Variants in TNC observed in about 807,000 individuals in gnomAD.
The protein encoded by TNC is tenascin.
A neutral mutation model predicts 202.4 loss-of-function variants in TNC; 109 were observed. That is an observed-to-expected ratio of 0.54 (90% confidence interval 0.46 to 0.63). The LOEUF is 0.63. TNC is among the 30% of genes least tolerant of loss of function. The pLI is 0.00. For synonymous variants in TNC, 1,007 were observed against 1,089.7 expected (o/e 0.92, Z 1.50); for missense variants, 2,756 against 2,833.3 (o/e 0.97, Z 0.62).
chr9:115,111,378 A>T (rs1837035035), intron 1 of TNC, among the ~76,000 whole-genome samples: 1 of 134,826 alleles, frequency 7.4e-6, no homozygotes, highest in Non-Finnish European at 1.6e-5. Context: ...CCTCTTGCTT[A>T]TAGACTTTCT....
chr9:115,061,803 C>T (rs1434146041), intron 13 of TNC, among the ~76,000 whole-genome samples: 1 of 152,146 alleles, frequency 6.6e-6, no homozygotes, highest in Non-Finnish European at 1.5e-5. Flanking sequence ...ATCTCATGTA[C>T]AGCACAGTTT....
At position 115,046,462 on chromosome 9, in the gene TNC, A is replaced by T. The variant is rs146092492; in HGVS notation, c.5073T>A (p.Tyr1691Ter). The part of the protein sequence containing the change: ...REATEYEIEL[Y>*]GISKGRRSQT... ...GGGATCGCCTTCCTTTGCTTATTCC[A>T]TAGAGTTCAATTTCGTATTCAGTAG... Residue 1691 changes from tyrosine to a stop codon, truncating the protein, a stop_gained, in exon 17 of 28, where the codon TAT (tyrosine) becomes TAA (stop). Transcript: ENST00000350763. LOFTEE classifies it high-confidence loss of function. The T allele has an allele frequency of 1.2e-6, 2 of 1,613,944 alleles. No individual in the cohort carries two copies. The highest frequency in any genetic ancestry group is 1.7e-6 in the Non-Finnish European group (2 of 1,179,988).
At chr9:115,071,011 C>T (rs537458822) in intron 10 of TNC, among the ~76,000 whole-genome samples, 3 of 152,328 alleles carry the variant, frequency 2.0e-5, no homozygotes, top group East Asian at 3.9e-4. Context: ...GCACTGGCTG[C>T]ACCCTCTGTA....
chr9:115,071,633 G>A (rs1833474581), intron 10 of TNC, among the ~76,000 whole-genome samples: 1 of 152,124 alleles, frequency 6.6e-6, no homozygotes, highest in African/African-American at 2.4e-5. Context: ...TGATTGAGGG[G>A]CAATAGGAAT....
chr9:115,110,878 ATTTT>A (rs71375271), intron 1 of TNC, among the ~76,000 whole-genome samples: 5 of 117,104 alleles, frequency 4.3e-5, no homozygotes, highest in Non-Finnish European at 1.9e-5. Context: ...GGCTGCCAGA[ATTTT>A]TTTTTTTTTT....
At chr9:115,072,404 G>A (rs1269905379) in intron 10 of TNC, among the ~76,000 whole-genome samples, 1 of 152,218 alleles carries the variant, frequency 6.6e-6, no homozygotes, top group Non-Finnish European at 1.5e-5. Context: ...CCCAGCTCCA[G>A]ATTCATTTTA....
chr9:115,040,193 G>A (rs1182044244), intron 19 of TNC, among the ~76,000 whole-genome samples: 1 of 152,214 alleles, frequency 6.6e-6, no homozygotes, highest in Non-Finnish European at 1.5e-5. Context: ...AGAGAGTTTG[G>A]AGTCAGACCG....
At chr9:115,027,475 A>G (rs34166409) in intron 25 of TNC, among the ~76,000 whole-genome samples, 2,601 of 152,080 alleles carry the variant, frequency 0.017, 124 homozygotes, top group East Asian at 0.11. Flanking sequence ...CTGTAATCTC[A>G]GCTACCTGGG....
Position 115,042,219 on chromosome 9 carries a change from C to T in TNC, c.5248G>A (p.Gly1750Ser), listed in dbSNP as rs1361462140. ...TCTCTCCCCTTTCCGAGTCTCCTAC[C>T]TCCTGTAATGGGCACATAGGTAATC... ...FRITYVPITG[G>S]TPSMVTVDGT... Residue 1750 changes from glycine (G) to serine (S), a missense_variant and splice_region_variant, in exon 18 of 28, where the codon GGT becomes AGT. Physicochemically the swap from Gly to Ser is moderately conservative, Grantham distance 56. Around this residue, in one of 2 missense-constraint regions of TNC, gnomAD observed 2,559 missense variants for 2,546.0 expected, o/e 1.01. Coordinates refer to ENST00000350763, the MANE Select transcript of TNC (RefSeq NM_002160.4). The T allele has an allele frequency of 1.9e-6, 3 of 1,613,686 alleles. No individual in the cohort carries two copies. Among genetic ancestry groups the T allele is most frequent in the Non-Finnish European group, 2.5e-6 (3 of 1,179,826 alleles).
At chr9:115,034,714 T>G (rs1193403669) in intron 22 of TNC, among the ~76,000 whole-genome samples, 1 of 152,218 alleles carries the variant, frequency 6.6e-6, no homozygotes, top group African/African-American at 2.4e-5. Flanking sequence ...TGTTTGAAGA[T>G]CTAAAGTTAT....
At chr9:115,031,770 A>C in intron 22 of TNC, 85 bp from the exon 23 acceptor site, 1 of 1,524,090 alleles carries the variant, frequency 6.6e-7, no homozygotes, top group Non-Finnish European at 8.8e-7. Context: ...TTATAAGTTC[A>C]TTTACCCATC....
chr9:115,045,618 G>A (rs1304460496), intron 17 of TNC, among the ~76,000 whole-genome samples: 1 of 135,426 alleles, frequency 7.4e-6, no homozygotes, highest in African/African-American at 2.8e-5. Context: ...CTGGACTCAA[G>A]TGATCCTCCT....
intron 12 of TNC, 113 bp from the exon 13 acceptor site, chr9:115,063,302 T>C: frequency 9.0e-7 from 1 of 1,112,950 alleles, no homozygotes; most frequent in Non-Finnish European, 1.3e-6. Flanking sequence ...TAGTGTTGAT[T>C]ATAGATGCAT....
chr9:115,082,660 A>T (rs377313754), intron 5 of TNC, 32 bp downstream of exon 5: 11 of 1,488,302 alleles, frequency 7.4e-6, no homozygotes, highest in Non-Finnish European at 1.0e-5. Context: ...AATCCTTGAG[A>T]TCAAATGGAT....
chr9:115,098,352 CCTT>C (rs745997045), intron 1 of TNC, among the ~76,000 whole-genome samples: 1 of 152,148 alleles, frequency 6.6e-6, no homozygotes, highest in Non-Finnish European at 1.5e-5. Flanking sequence ...GCTGTCAAAT[CCTT>C]CTTTTTTTCT....
At chr9:115,089,192 G>C (rs1360553152) in intron 2 of TNC, among the ~76,000 whole-genome samples, 2 of 152,180 alleles carry the variant, frequency 1.3e-5, no homozygotes, top group Non-Finnish European at 2.9e-5. Flanking sequence ...TAGAAACCTA[G>C]AGCCTGTCCT....
intron 6 of TNC, 107 bp downstream of exon 6, chr9:115,081,665 A>G: frequency 2.4e-6 from 3 of 1,275,064 alleles, no homozygotes; most frequent in Admixed American, 2.1e-5. Flanking sequence ...AAATGCAGCA[A>G]AAGTTAAATG....
intron 22 of TNC, 100 bp from the exon 23 acceptor site, chr9:115,031,785 C>A: frequency 1.4e-6 from 2 of 1,443,570 alleles, no homozygotes; most frequent in Non-Finnish European, 1.9e-6. Flanking sequence ...CCCATCCATT[C>A]ACTTACTTAC....
chr9:115,040,774 T>C (rs1023029518), intron 19 of TNC, among the ~76,000 whole-genome samples, 167 bp downstream of exon 19: 3 of 152,138 alleles, frequency 2.0e-5, no homozygotes, highest in Admixed American at 6.5e-5. Flanking sequence ...CCTCTGGCAC[T>C]CTAAATCCAG....
Sources: gnomAD v4.1 joint callset for allele counts (sites outside exome capture counted in the v4.1 genomes callset) on GRCh38, gnomAD v4.1.1 for gene constraint, gnomAD v4.1.1 regional missense constraint, MANE v1.5 for transcripts, NCBI Gene and HGNC (gene_info 2026-07-23, HGNC 2026-07-21) for gene names.